The following ZNF681 variants were observed in gnomAD, a reference collection of about 807,000 sequenced individuals.
ZNF681 encodes the protein hypothetical protein FLJ31526.
ZNF681 carries 37 observed loss-of-function variants against 56.0 expected under a neutral mutation model. That is an observed-to-expected ratio of 0.66 (90% confidence interval 0.51 to 0.87). The LOEUF is 0.87. ZNF681 is among the 40% of genes least tolerant of loss of function. The pLI is 0.00. For synonymous variants in ZNF681, 225 were observed against 248.6 expected, an observed-to-expected ratio of 0.91 and a Z score of 0.89; for missense variants, 741 against 744.9, an observed-to-expected ratio of 0.99 and a Z score of 0.06.
chr19:23,745,076 A>G lies in ZNF681; in HGVS notation c.474T>C (p.Asn158=), dbSNP rs750025200. 7 of 1,599,560 alleles carry G rather than the reference A, an allele frequency of 4.4e-6. No homozygotes were observed. The highest frequency in any genetic ancestry group is 6.0e-6 in the Non-Finnish European group (7 of 1,172,852). Residue 158 remains asparagine, a synonymous_variant, in exon 4 of 4, where the codon AAT becomes AAC. Transcript: ENST00000402377. ...MKIFHKFSNL[N]GHKVRHTRKK... is the part of the protein sequence containing the mutation. Reference sequence around the variant, plus strand: ...TTCTGGTGTGTCTTACCTTATGTCCATTTAAATTTGAAAATTTATGAAAGA... The same window carrying G: ...TTCTGGTGTGTCTTACCTTATGTCCGTTTAAATTTGAAAATTTATGAAAGA...
At position 23,740,201 on chromosome 19, in the gene ZNF681, A is replaced by G. The variant is rs751338717; in HGVS notation, c.*3411T>C. On this transcript the variant is annotated 3_prime_UTR_variant, in exon 4 of 4. Coordinates refer to ENST00000402377, the MANE Select transcript of ZNF681 (RefSeq NM_138286.3). ...ATCAGAAAATTATATTGATATGCAA[A>G]ATCTCCAGTTAAAACCAATCTTGCA... 1 of 152,094 alleles carries G rather than the reference A, an allele frequency of 6.6e-6. No homozygotes were observed. The highest frequency in any genetic ancestry group is 1.5e-5 in the Non-Finnish European group (1 of 68,016). The allele number at this position is 152,094 out of a possible 1,614,324, so 9.4% of individuals were successfully genotyped here.
chr19:23,750,467 T>C (rs529690920), intron 3 of ZNF681, among the ~76,000 whole-genome samples: 18 of 152,146 alleles, frequency 1.2e-4, no homozygotes, highest in African/African-American at 4.3e-4. Flanking sequence ...ACAAACAGAA[T>C]TGCAAATTGT....
chr19:23,753,662 A>C (rs1327419729), intron 3 of ZNF681, among the ~76,000 whole-genome samples: 5 of 152,156 alleles, frequency 3.3e-5, no homozygotes, highest in Non-Finnish European at 7.3e-5. Context: ...AGAGATGGAG[A>C]CCATCCTGGC....
Position 23,745,300 on chromosome 19 carries a change from C to G in ZNF681, c.250G>C (p.Asp84His), listed in dbSNP as rs7248674. Residue 84 changes from aspartate to histidine, a missense_variant, in exon 4 of 4, where the codon GAC (aspartate) becomes CAC (histidine). Coordinates refer to ENST00000402377, the MANE Select transcript of ZNF681 (RefSeq NM_138286.3). ...TTTATGTTCTGCTCTGGTGAAAAGT[C>G]TTGGGCAAAATGAGAACAAATAACT... Reference protein sequence around the residue: ...PPVICSHFAQDFSPEQNIKDS... With the variant: ...PPVICSHFAQHFSPEQNIKDS... 1,552,268 of 1,558,718 alleles carry G rather than the reference C, an allele frequency of 1. 773,155 individuals carry two copies. The highest frequency in any genetic ancestry group is 1 in the East Asian group (44,186 of 44,186).
intron 3 of ZNF681, 37 bp from the exon 4 acceptor site, chr19:23,745,360 T>C: frequency 6.9e-7 from 1 of 1,449,434 alleles, no homozygotes; most frequent in Non-Finnish European, 9.1e-7. Flanking sequence ...CTCCACTTGA[T>C]AAGACTCTAA....
chr19:23,744,144 T>C lies in ZNF681; in HGVS notation c.1406A>G (p.Lys469Arg), dbSNP rs1290765612. 6.2e-7 allele frequency: 1 copy of C among 1,613,320 alleles called. No homozygotes were observed. Among genetic ancestry groups the C allele is most frequent in the Non-Finnish European group, 8.5e-7 (1 of 1,179,708 alleles). ...GGGTTTCTCTCCAGTATGAATTCTT[T>C]TATGTGTAGTAAGGTTTGAGAACTG... The part of the protein sequence containing the change: ...FNQFSNLTTH[K>R]RIHTGEKPYK... Residue 469 changes from lysine (K) to arginine (R), a missense_variant, in exon 4 of 4, where the codon AAA becomes AGA. Transcript: ENST00000402377.
intron 3 of ZNF681, among the ~76,000 whole-genome samples, chr19:23,748,803 T>C (rs532126577): frequency 6.6e-6 from 1 of 152,122 alleles, no homozygotes. Context: ...GAGAAATGCA[T>C]AAAAATCACG....
rs888634163 is a variant in ZNF681, at chr19:23,745,427, T to C, written c.227-104A>G. 5.8e-5 allele frequency: 54 copies of C among 932,264 alleles called. No individual in the cohort carries two copies. In the African/African-American group the frequency reaches 8.5e-4, roughly 15 times the overall value. 57.7% of individuals were successfully genotyped at this position (932,264 alleles called of 1,614,324 possible). ...TACAAATTACATAAGCAAGATGGTA[T>C]AGCAAAATACCAAAGGCCCTAATTT... On this transcript the variant is annotated intron_variant, in intron 3 of 3. Transcript: ENST00000402377.
chr19:23,754,106 G>A (rs1207631520), intron 3 of ZNF681, among the ~76,000 whole-genome samples: 1 of 131,876 alleles, frequency 7.6e-6, no homozygotes, highest in Non-Finnish European at 1.6e-5. Context: ...GACGGAATAT[G>A]CAGAAAAATG....
chr19:23,740,225 CA>C lies in ZNF681; in HGVS notation c.*3386del, dbSNP rs1394059544. Reference sequence around the variant, plus strand: ...AAATCTCCAGTTAAAACCAATCTTGCAGTGCATTAAAAATACCGATTTCTCA... The same window carrying C: ...AAATCTCCAGTTAAAACCAATCTTGCGTGCATTAAAAATACCGATTTCTCA... On this transcript the variant is annotated 3_prime_UTR_variant, in exon 4 of 4. Transcript: ENST00000402377. 1 of 152,096 alleles carries C rather than the reference CA, an allele frequency of 6.6e-6. No homozygotes were observed. The highest frequency in any genetic ancestry group is 1.5e-5 in the Non-Finnish European group (1 of 68,010). The allele number at this position is 152,096 out of a possible 1,614,324, so 9.4% of individuals were successfully genotyped here. A position where few individuals can be genotyped will look rare whatever the true frequency, so the allele number is the denominator to read the frequency against.
At position 23,739,698 on chromosome 19, in the gene ZNF681, A is replaced by T. The variant is rs1180538058; in HGVS notation, c.*3914T>A. 2.0e-5 allele frequency: 3 copies of T among 152,194 alleles called. No individual in the cohort carries two copies. Among genetic ancestry groups the T allele is most frequent in the Non-Finnish European group, 4.4e-5 (3 of 68,032 alleles). 9.4% of individuals were successfully genotyped at this position (152,194 alleles called of 1,614,324 possible). A position where few individuals can be genotyped will look rare whatever the true frequency, so the allele number is the denominator to read the frequency against. On this transcript the variant is annotated 3_prime_UTR_variant, in exon 4 of 4. Coordinates refer to ENST00000402377, the MANE Select transcript of ZNF681 (RefSeq NM_138286.3). Reference sequence around the variant, plus strand: ...CACAGTAAACAAGTTTGCACGCAAAATAATAGAAAATGTTTTTATCTAAAA... The same window carrying T: ...CACAGTAAACAAGTTTGCACGCAAATTAATAGAAAATGTTTTTATCTAAAA...
rs557678373 is a variant in ZNF681, at chr19:23,753,810, C to T, written c.226+1013G>A. 4.3e-3 allele frequency among the ~76,000 whole-genome samples: 587 copies of T among 136,398 alleles called. 6 individuals are homozygous for T. The highest frequency in any genetic ancestry group is 5.7e-3 in the Non-Finnish European group (373 of 65,834). 89.5% of individuals were successfully genotyped at this position (136,398 alleles called of 152,430 possible). A position where few individuals can be genotyped will look rare whatever the true frequency, so the allele number is the denominator to read the frequency against. ...CTGGAAGGGAGAGGTTGCAGTGAGC[C>T]GAGATTGTGCCACTGCACTTCAGCC... On this transcript the variant is annotated intron_variant, in intron 3 of 3. Transcript: ENST00000402377.
In ZNF681 at chr19:23,745,277, T is replaced by G; in HGVS notation, c.273A>C (p.Ile91=). Residue 91 remains isoleucine, a synonymous_variant, in exon 4 of 4, where the codon ATA becomes ATC. Transcript: ENST00000402377. ...FAQDFSPEQN[I]KDSFQKVTPR... The stretch of plus-strand genomic sequence containing the variant: ...GTGTCACTTTTTGGAAAGAATCTTT[T>G]ATGTTCTGCTCTGGTGAAAAGTCTT... 6.3e-7 allele frequency: 1 copy of G among 1,598,990 alleles called. No homozygotes were observed. Among genetic ancestry groups the G allele is most frequent in the Non-Finnish European group, 8.5e-7 (1 of 1,175,624 alleles).
rs57974422 is a variant in ZNF681, at chr19:23,747,639, CAAAAA to C, written c.227-2321_227-2317del. Among the ~76,000 whole-genome samples, 88 of 96,802 alleles carry C rather than the reference CAAAAA, an allele frequency of 9.1e-4. 1 individual carries two copies. The highest frequency in any genetic ancestry group is 5.2e-3 in the East Asian group (19 of 3,636). The allele number at this position is 96,802 out of a possible 152,430, so 63.5% of individuals were successfully genotyped here. A position where few individuals can be genotyped will look rare whatever the true frequency, so the allele number is the denominator to read the frequency against. On this transcript the variant is annotated intron_variant, in intron 3 of 3. Transcript: ENST00000402377. The stretch of plus-strand genomic sequence containing the variant: ...TGGGCGAGAGAGCAAGACTCCGTCT[CAAAAA>C]AAAAAAAAAAAAAAAAATCCCCAAA...
At position 23,739,949 on chromosome 19, in the gene ZNF681, A is replaced by C. The variant is rs1281558253; in HGVS notation, c.*3663T>G. The stretch of plus-strand genomic sequence containing the variant: ...TTTGCAATGTTTAATGTTCACACTT[A>C]CAAATAGAAGATTTTGCATGGAAAC... On this transcript the variant is annotated 3_prime_UTR_variant, in exon 4 of 4. Coordinates refer to ENST00000402377, the MANE Select transcript of ZNF681 (RefSeq NM_138286.3). The C allele has an allele frequency of 6.6e-6, 1 of 152,188 alleles. No individual in the cohort carries two copies. The allele number at this position is 152,188 out of a possible 1,614,324, so 9.4% of individuals were successfully genotyped here.
intron 1 of ZNF681, among the ~76,000 whole-genome samples, chr19:23,757,464 G>T (rs1378774045): frequency 6.6e-6 from 1 of 151,908 alleles, no homozygotes; most frequent in Non-Finnish European, 1.5e-5. Flanking sequence ...GTATTTTAGA[G>T]AAATTTATAT....
chr19:23,758,627 G>A, intron 1 of ZNF681, 120 bp downstream of exon 1: 2 of 1,501,610 alleles, frequency 1.3e-6, no homozygotes, highest in Admixed American at 3.3e-5. Flanking sequence ...GGTCCAAGTG[G>A]ACTGAGGCCG....
rs978318293 is a variant in ZNF681 at position 23,739,732 on chromosome 19, G to T, written c.*3880C>A. 2.0e-5 allele frequency: 3 copies of T among 152,122 alleles called. No individual in the cohort carries two copies. Among genetic ancestry groups the T allele is most frequent in the African/African-American group, 7.2e-5 (3 of 41,432 alleles). The allele number at this position is 152,122 out of a possible 1,614,324, so 9.4% of individuals were successfully genotyped here. ...AATGTTTTTATCTAAAAGCTGCCAT[G>T]ATCTTCGAATGTTTTCCAGAGAATA... On this transcript the variant is annotated 3_prime_UTR_variant, in exon 4 of 4. Coordinates refer to ENST00000402377, the MANE Select transcript of ZNF681 (RefSeq NM_138286.3).
chr19:23,748,077 CGTT>C (rs1238814389), intron 3 of ZNF681, among the ~76,000 whole-genome samples: 4 of 151,730 alleles, frequency 2.6e-5, no homozygotes, highest in African/African-American at 7.3e-5. Flanking sequence ...AATGACATGA[CGTT>C]GTTCTTGGCA....
Sources: allele counts gnomAD v4.1 joint callset (sites outside exome capture counted in the v4.1 genomes callset), GRCh38; gene constraint gnomAD v4.1.1; transcripts MANE v1.5; gene names NCBI Gene and HGNC (gene_info 2026-07-23, HGNC 2026-07-21).